TC2N: variants seen among roughly 807,000 people sequenced by gnomAD.
TC2N encodes tandem C2 domains, nuclear.
In TC2N, 51 loss-of-function variants were observed where a neutral mutation model predicts 61.9. The ratio of observed to expected loss-of-function variants is 0.82; its 90% CI spans 0.66 to 1.04. The LOEUF is 1.04. Among genes scored for constraint, TC2N ranks in the 50% least tolerant of loss-of-function variants. The pLI is 0.00. For synonymous variants in TC2N, 204 were observed against 192.6 expected (o/e 1.06, Z -0.49); for missense variants, 556 against 566.7 (o/e 0.98, Z 0.19).
chr14:91,819,770 G>C (rs925834786), intron 1 of TC2N, among the ~76,000 whole-genome samples: 1 of 152,076 alleles, frequency 6.6e-6, no homozygotes, highest in Admixed American at 6.6e-5. Context: ...AAGGCCGGGG[G>C]AGAAATAAAA....
rs2139842707 is a variant in TC2N, at chr14:91,800,263, T to C, written c.561+18A>G. On this transcript the variant is annotated intron_variant, in intron 5 of 11. Coordinates refer to ENST00000435962, the MANE Select transcript of TC2N (RefSeq NM_001128596.3). ...AAGGAAATTATCACATATAATTAAA[T>C]TTATGTAGATAATTCACCTGGATGA... 1 of 1,480,490 alleles carries C rather than the reference T, an allele frequency of 6.8e-7. No individual in the cohort carries two copies. The highest frequency in any genetic ancestry group is 9.3e-7 in the Non-Finnish European group (1 of 1,078,736). 91.7% of individuals were successfully genotyped at this position (1,480,490 alleles called of 1,614,324 possible).
At chr14:91,844,490 G>A (rs940592028) in intron 1 of TC2N, among the ~76,000 whole-genome samples, 2 of 152,128 alleles carry the variant, frequency 1.3e-5, no homozygotes, top group Admixed American at 6.5e-5. Flanking sequence ...TGGGCCCAAC[G>A]TGGTGGCTCA....
chr14:91,847,458 G>A (rs1322691657), intron 1 of TC2N, among the ~76,000 whole-genome samples: 1 of 152,198 alleles, frequency 6.6e-6, no homozygotes, highest in African/African-American at 2.4e-5. Context: ...AGGTGATGCA[G>A]TTTCTACATA....
Position 91,783,057 on chromosome 14 carries a change from T to C in TC2N, c.*43A>G, listed in dbSNP as rs1885198130. The C allele has an allele frequency of 7.7e-7, 1 of 1,291,744 alleles. No homozygotes were observed. The allele number at this position is 1,291,744 out of a possible 1,614,324, so 80.0% of individuals were successfully genotyped here. On this transcript the variant is annotated 3_prime_UTR_variant, in exon 12 of 12. Transcript: ENST00000435962. ...TAGCAAATTGAAATCATAAGTCTTC[T>C]AAAAGAATGTCAAGTTCTTCACCAA...
intron 1 of TC2N, among the ~76,000 whole-genome samples, chr14:91,835,882 G>C (rs376296088): frequency 6.6e-5 from 10 of 152,304 alleles, no homozygotes; most frequent in African/African-American, 2.4e-4. Context: ...CCCGAGCACG[G>C]AGCAGGGAGC....
intron 1 of TC2N, among the ~76,000 whole-genome samples, chr14:91,821,136 TC>T (rs1318408948): frequency 2.0e-5 from 3 of 151,390 alleles, no homozygotes; most frequent in Non-Finnish European, 4.4e-5. Context: ...ATCCTAAAAC[TC>T]ATATGGGAAC....
At chr14:91,832,396 A>AAC (rs1222218280) in intron 1 of TC2N, among the ~76,000 whole-genome samples, 4 of 151,754 alleles carry the variant, frequency 2.6e-5, no homozygotes, top group African/African-American at 9.7e-5. Flanking sequence ...GTCTCAAAAA[A>AAC]AAAAAAAATC....
At chr14:91,833,128 A>C (rs929675319) in intron 1 of TC2N, among the ~76,000 whole-genome samples, 1 of 152,204 alleles carries the variant, frequency 6.6e-6, no homozygotes, top group Non-Finnish European at 1.5e-5. Context: ...GCTTCAAAAA[A>C]TGTTGGTTAT....
chr14:91,802,149 A>T, intron 4 of TC2N, 105 bp downstream of exon 4: 1 of 1,026,244 alleles, frequency 9.7e-7, no homozygotes, highest in Non-Finnish European at 1.3e-6. Context: ...TCTTATTTTT[A>T]AAATGCTTTT....
At chr14:91,803,914 C>T (rs1225037404) in intron 3 of TC2N, among the ~76,000 whole-genome samples, 1 of 152,120 alleles carries the variant, frequency 6.6e-6, no homozygotes, top group Non-Finnish European at 1.5e-5. Context: ...CAGGCCCGAC[C>T]CTGCTTAGCT....
At position 91,802,394 on chromosome 14, in the gene TC2N, C is replaced by A. The variant is rs748384310; in HGVS notation, c.329G>T (p.Arg110Leu). ...GGATGAACTGGAAAGTTCTACCTTT[C>A]GATCTCCAAAAGATGCTCTGGCAGA... ...EGSARASFGD[R>L]KVELSSSSQH... The change falls in exon 4 of 12, where the codon CGA (arginine) becomes CTA (leucine). Residue 110 changes from arginine (R) to leucine (L), a missense_variant. Transcript: ENST00000435962. 1.9e-6 allele frequency: 3 copies of A among 1,612,032 alleles called. No individual in the cohort carries two copies. Among genetic ancestry groups the A allele is most frequent in the Admixed American group, 1.7e-5 (1 of 59,604 alleles).
At chr14:91,825,278 C>T (rs980241023) in intron 1 of TC2N, among the ~76,000 whole-genome samples, 2 of 151,966 alleles carry the variant, frequency 1.3e-5, no homozygotes, top group South Asian at 2.1e-4. Flanking sequence ...GTGATCCACC[C>T]GCGTCGGCCT....
chr14:91,820,659 A>G (rs1887203467), intron 1 of TC2N, among the ~76,000 whole-genome samples: 1 of 151,930 alleles, frequency 6.6e-6, no homozygotes, highest in African/African-American at 2.4e-5. Flanking sequence ...TTGGAAATCA[A>G]GAAGTAAAAC....
At chr14:91,803,044 G>A (rs1324741227) in intron 3 of TC2N, among the ~76,000 whole-genome samples, 1 of 152,092 alleles carries the variant, frequency 6.6e-6, no homozygotes, top group African/African-American at 2.4e-5. Flanking sequence ...TAGAAAAAGA[G>A]ATCAATAGCA....
At chr14:91,811,566 G>A (rs556440814) in intron 3 of TC2N, among the ~76,000 whole-genome samples, 1 of 152,088 alleles carries the variant, frequency 6.6e-6, no homozygotes, top group East Asian at 1.9e-4. Context: ...CCTCATTCAA[G>A]TAACTATTTA....
intron 1 of TC2N, among the ~76,000 whole-genome samples, chr14:91,820,950 G>A (rs1301091329): frequency 6.6e-6 from 1 of 151,992 alleles, no homozygotes; most frequent in African/African-American, 2.4e-5. Context: ...AGATATTAAA[G>A]AAGAGCTCAA....
intron 1 of TC2N, among the ~76,000 whole-genome samples, chr14:91,846,748 C>A (rs543292895): frequency 6.6e-6 from 1 of 152,282 alleles, no homozygotes; most frequent in African/African-American, 2.4e-5. Flanking sequence ...TATTGCAAAA[C>A]CTTTGTATTA....
intron 1 of TC2N, among the ~76,000 whole-genome samples, chr14:91,829,616 C>G (rs572544119): frequency 1.3e-5 from 2 of 152,212 alleles, no homozygotes; most frequent in East Asian, 3.9e-4. Context: ...TTTACTTAAA[C>G]TCAGCCCAGT....
intron 1 of TC2N, among the ~76,000 whole-genome samples, chr14:91,819,923 A>G (rs1486014869): frequency 1.3e-5 from 2 of 152,132 alleles, no homozygotes; most frequent in Non-Finnish European, 2.9e-5. Context: ...AAGCCAACAA[A>G]GGAGATAAAA....
Sources: gnomAD v4.1 joint callset for allele counts (sites outside exome capture counted in the v4.1 genomes callset) on GRCh38, gnomAD v4.1.1 for gene constraint, MANE v1.5 for transcripts, NCBI Gene and HGNC (gene_info 2026-07-23, HGNC 2026-07-21) for gene names.